Variants in OOSP4A observed in about 807,000 individuals in gnomAD.
OOSP4A encodes oocyte secreted protein family member 4A.
chr11:59,964,145 G>A lies in OOSP4A; in HGVS notation c.67+46G>A, dbSNP rs1016517872. 1.4e-5 allele frequency: 5 copies of A among 366,856 alleles called. No individual in the cohort carries two copies. In the South Asian group the frequency reaches 6.0e-4, roughly 44 times the overall value. The allele number at this position is 366,856 out of a possible 1,614,324, so 22.7% of individuals were successfully genotyped here. On this transcript the variant is annotated intron_variant, in intron 1 of 4. Coordinates refer to ENST00000645590, the Ensembl canonical transcript of OOSP4A. ...TTGGAGGTGGCAATTTCAATCAGCA[G>A]GGCTTTTTTTTTTTTTTTTTTTTAA... is the stretch of plus-strand genomic sequence containing the variant.
chr11:59,965,917 T>C (rs903478876), intron 2 of OOSP4A, among the ~76,000 whole-genome samples: 1 of 152,240 alleles, frequency 6.6e-6, no homozygotes, highest in African/African-American at 2.4e-5. Flanking sequence ...AAAAACTGTG[T>C]GTTCCTACTT....
chr11:59,969,480 T>C (rs901065074), intron 4 of OOSP4A, among the ~76,000 whole-genome samples, 196 bp downstream of exon 4: 2 of 152,232 alleles, frequency 1.3e-5, no homozygotes, highest in Admixed American at 1.3e-4. Context: ...CATTATTTCC[T>C]TACATAAAAC....
rs148827104 is a variant in OOSP4A at position 59,968,822 on chromosome 11, C to T, written c.345-328C>T. Among the ~76,000 whole-genome samples the T allele has an allele frequency of 8.8e-3, 1,346 of 152,304 alleles. 24 individuals carry two copies. Among genetic ancestry groups the T allele is most frequent in the African/African-American group, 0.031 (1,271 of 41,554 alleles). ...AGAACTGCATGCCTCTAATCATTCT[C>T]TGTAGATGTCTGTTGAGATGATTAG... is the stretch of plus-strand genomic sequence containing the variant. On this transcript the variant is annotated intron_variant, in intron 3 of 4. Coordinates refer to ENST00000645590, the Ensembl canonical transcript of OOSP4A.
intron 3 of OOSP4A, among the ~76,000 whole-genome samples, chr11:59,968,690 G>A (rs1178320589): frequency 1.3e-5 from 2 of 152,198 alleles, no homozygotes; most frequent in Non-Finnish European, 2.9e-5. Flanking sequence ...TCTTGCTGTA[G>A]GAAACTCTGT....
In OOSP4A at chr11:59,966,739, G is replaced by A. The variant is rs538082335; in HGVS notation, c.247-328G>A. Among the ~76,000 whole-genome samples the A allele has an allele frequency of 3.9e-5, 6 of 152,236 alleles. No individual in the cohort carries two copies. The East Asian group carries it at 1.2e-3, about 29-fold the overall frequency. ...TCTGCCCACCTCTGCCTTCCAAAGCGCTGGGATTACAGGTGTGAGCCAACG... is the reference window on the plus strand; with the variant it reads ...TCTGCCCACCTCTGCCTTCCAAAGCACTGGGATTACAGGTGTGAGCCAACG... On this transcript the variant is annotated intron_variant, in intron 2 of 4. Transcript: ENST00000645590.
At chr11:59,967,006 G>T in intron 2 of OOSP4A, 61 bp from the exon 3 acceptor site, 1 of 395,452 alleles carries the variant, frequency 2.5e-6, no homozygotes. Context: ...TTTTTAAAAT[G>T]GAATTTGAAA....
At chr11:59,970,069 G>C (rs1854139655) in exon 5 of OOSP4A, 1 of 397,966 alleles carries the variant, frequency 2.5e-6, no homozygotes, top group Non-Finnish European at 4.4e-6. Flanking sequence ...CCCTTGTTGA[G>C]CTACCTCATT....
At chr11:59,966,624 C>T (rs1322286858) in intron 2 of OOSP4A, among the ~76,000 whole-genome samples, 1 of 152,106 alleles carries the variant, frequency 6.6e-6, no homozygotes, top group South Asian at 2.1e-4. Flanking sequence ...TACAGGCATG[C>T]ACCACCACAC....
downstream of OOSP4A, chr11:59,970,203 T>C (rs189254896): frequency 7.6e-6 from 3 of 396,620 alleles, no homozygotes; most frequent in East Asian, 1.1e-4. Context: ...AGTCACTGGA[T>C]ATTGTCTTTT....
intron 1 of OOSP4A, among the ~76,000 whole-genome samples, chr11:59,964,384 G>A (rs935323907): frequency 1.3e-5 from 2 of 151,798 alleles, no homozygotes; most frequent in African/African-American, 2.4e-5. Context: ...AGACTAGCTT[G>A]TTACTTTGCT....
chr11:59,969,254 A>G (rs1411575917), exon 4 of OOSP4A: 1 of 398,656 alleles, frequency 2.5e-6, no homozygotes, highest in East Asian at 3.6e-5. Context: ...GAACTTGAAG[A>G]CTTGGAAATC....
intron 3 of OOSP4A, among the ~76,000 whole-genome samples, chr11:59,968,561 C>T (rs1462636578): frequency 6.6e-6 from 1 of 152,204 alleles, no homozygotes; most frequent in Non-Finnish European, 1.5e-5. Context: ...GGGGAAATTA[C>T]TTAGTCATAC....
At chr11:59,968,290 T>G (rs2134586440) in intron 3 of OOSP4A, among the ~76,000 whole-genome samples, 2 of 152,310 alleles carry the variant, frequency 1.3e-5, no homozygotes, top group South Asian at 4.1e-4. Flanking sequence ...GAAGTGTATC[T>G]CGAATTATGG....
At chr11:59,964,081 A>G (rs1163918636) in exon 1 of OOSP4A, 1 of 387,682 alleles carries the variant, frequency 2.6e-6, no homozygotes, top group Non-Finnish European at 4.5e-6. Flanking sequence ...TTTCGAGTTG[A>G]TTCATGGTCT....
chr11:59,969,410 G>T, intron 4 of OOSP4A, 126 bp downstream of exon 4: 1 of 395,992 alleles, frequency 2.5e-6, no homozygotes, highest in Non-Finnish European at 4.4e-6. Context: ...TTTAGTTCAG[G>T]ATCATTGGAA....
intron 3 of OOSP4A, 112 bp from the exon 4 acceptor site, chr11:59,969,038 C>T (rs763860797): frequency 1.0e-5 from 4 of 394,792 alleles, no homozygotes; most frequent in Non-Finnish European, 1.8e-5. Flanking sequence ...GGCATTCTCT[C>T]ACAGCTGGAA....
At chr11:59,969,217 G>A (rs574338835) in exon 4 of OOSP4A, 29 of 398,762 alleles carry the variant, frequency 7.3e-5, no homozygotes, top group East Asian at 4.3e-4. Flanking sequence ...CAGAAGGTCA[G>A]TGGGACAGCA....
intron 1 of OOSP4A, among the ~76,000 whole-genome samples, chr11:59,965,304 A>C (rs1402385762): frequency 2.0e-5 from 3 of 152,220 alleles, no homozygotes; most frequent in Non-Finnish European, 2.9e-5. Flanking sequence ...TAATTAAGAA[A>C]AAATTCTGAA....
chr11:59,965,361 A>C (rs906760306), intron 1 of OOSP4A, among the ~76,000 whole-genome samples, 174 bp from the exon 2 acceptor site: 3 of 152,186 alleles, frequency 2.0e-5, no homozygotes, highest in Non-Finnish European at 4.4e-5. Context: ...AAACTGAGAC[A>C]CATAGAGATT....
Sources: gnomAD v4.1 joint callset for allele counts (sites outside exome capture counted in the v4.1 genomes callset) on GRCh38, gnomAD v4.1.1 for gene constraint, MANE v1.5 for transcripts, NCBI Gene and HGNC (gene_info 2026-07-23, HGNC 2026-07-21) for gene names.